MAK: variants seen among roughly 807,000 people sequenced by gnomAD.
MAK encodes male germ cell associated kinase, also known as serine/threonine-protein kinase MAK.
A neutral mutation model predicts 82.6 loss-of-function variants in MAK; 65 were observed. That is an observed-to-expected ratio of 0.79 (90% CI 0.64 to 0.97). The LOEUF (loss-of-function observed/expected upper bound fraction) is 0.97, where lower values mean the gene tolerates loss of function less well. MAK is among the 50% of genes least tolerant of loss of function. The pLI is 0.00. For synonymous variants in MAK, 250 were observed against 274.2 expected, an observed-to-expected ratio of 0.91 and a Z score of 0.87; for missense variants, 703 against 780.2, an observed-to-expected ratio of 0.90 and a Z score of 1.18.
At chr6:10,779,371 A>C in intron 11 of MAK, 3 of 985,344 alleles carry the variant, frequency 3.0e-6, no homozygotes, top group Non-Finnish European at 3.6e-6. Context: ...GTTACAGAAA[A>C]CAGAATCTTG....
intron 11 of MAK, chr6:10,779,227 A>AG (rs1773742864): frequency 1.8e-6 from 1 of 566,012 alleles, no homozygotes; most frequent in Non-Finnish European, 2.2e-6. Flanking sequence ...CGGCTCTAGG[A>AG]GCAGGGGGTG....
In MAK at chr6:10,829,330, T is replaced by C. The variant is rs530464783; in HGVS notation, c.101+1218A>G. 3 of 152,332 alleles carry C rather than the reference T, an allele frequency of 2.0e-5. No homozygotes were observed. In the East Asian group the frequency reaches 5.8e-4, roughly 29 times the overall value. 9.4% of individuals were successfully genotyped at this position (152,332 alleles called of 1,614,324 possible). On this transcript the variant is annotated intron_variant, in intron 2 of 14. Coordinates refer to ENST00000354489, the MANE Select transcript of MAK (RefSeq NM_001242957.3). Reference sequence around the variant, plus strand: ...TAACATATATCATTCAGAACTCAATTTGACATTATGAATACCATCTGATTT... The same window carrying C: ...TAACATATATCATTCAGAACTCAATCTGACATTATGAATACCATCTGATTT...
At chr6:10,769,758 C>T (rs1210757844) in intron 14 of MAK, among the ~76,000 whole-genome samples, 3 of 152,210 alleles carry the variant, frequency 2.0e-5, no homozygotes, top group Non-Finnish European at 4.4e-5. Context: ...GCTCCACTAG[C>T]TGTGTGACCT....
intron 11 of MAK, chr6:10,779,544 C>T (rs889202884): frequency 2.1e-5 from 20 of 938,382 alleles, no homozygotes; most frequent in South Asian, 9.9e-5. Flanking sequence ...TCCTAAAAGT[C>T]GATGCTTAAT....
At chr6:10,832,408 C>T (rs778150361) in intron 1 of MAK, among the ~76,000 whole-genome samples, 3 of 152,232 alleles carry the variant, frequency 2.0e-5, no homozygotes, top group Non-Finnish European at 4.4e-5. Flanking sequence ...ACAGAGAAAT[C>T]TTTTATGAAA....
At chr6:10,805,000 C>G (rs1581717028) in intron 6 of MAK, among the ~76,000 whole-genome samples, 1 of 146,776 alleles carries the variant, frequency 6.8e-6, no homozygotes, top group African/African-American at 2.5e-5. Flanking sequence ...CTCCCATATC[C>G]TAGATATGTG....
chr6:10,784,662 T>TCGCCCACCCTC (rs374889861), intron 10 of MAK, 90 bp from the exon 11 acceptor site: 1,157 of 1,179,552 alleles, frequency 9.8e-4, no homozygotes, highest in Admixed American at 1.2e-3. Context: ...TCTGCACATC[T>TCGCCCACCCTC]TCCTAAGCCA....
chr6:10,764,152 G>C lies in MAK; in HGVS notation c.*300C>G, dbSNP rs1034660925. On this transcript the variant is annotated 3_prime_UTR_variant, in exon 15 of 15. Coordinates refer to ENST00000354489, the MANE Select transcript of MAK (RefSeq NM_001242957.3). ...TTTCTGGAAGTTGTTTTTTTTTAAG[G>C]GTTCTTATTGGATTTACTATTTATT... 1.8e-5 allele frequency: 5 copies of C among 284,276 alleles called. No homozygotes were observed. The highest frequency in any genetic ancestry group is 8.9e-5 in the African/African-American group (4 of 44,876). The allele number at this position is 284,276 out of a possible 1,614,324, so 17.6% of individuals were successfully genotyped here. A position where few individuals can be genotyped will look rare whatever the true frequency, so the allele number is the denominator to read the frequency against.
chr6:10,792,668 C>G (rs889291170), intron 9 of MAK, among the ~76,000 whole-genome samples: 3 of 152,104 alleles, frequency 2.0e-5, no homozygotes, highest in African/African-American at 7.2e-5. Context: ...AAAGGCAACT[C>G]AAAACTAGGG....
Position 10,773,101 on chromosome 6 carries a change from G to A in MAK, c.1605C>T (p.Ser535=). The A allele has an allele frequency of 6.7e-7, 1 of 1,501,230 alleles. No individual in the cohort carries two copies. Among genetic ancestry groups the A allele is most frequent in the Non-Finnish European group, 8.9e-7 (1 of 1,117,688 alleles). The allele number at this position is 1,501,230 out of a possible 1,614,324, so 93.0% of individuals were successfully genotyped here. Residue 535 remains serine (S), a synonymous_variant, in exon 13 of 15, where the codon AGC becomes AGT. Transcript: ENST00000354489. Reference sequence around the variant, plus strand: ...ATAGTTTTTCGATTGGTTTAATTATGCTTTCTTCTAAAGAGAAGACAGATG... The same window carrying A: ...ATAGTTTTTCGATTGGTTTAATTATACTTTCTTCTAAAGAGAAGACAGATG... ...LAFKRSNAEE[S]IIKPIEKLSC...
chr6:10,807,412 G>A (rs186335215), intron 6 of MAK, among the ~76,000 whole-genome samples: 36 of 134,464 alleles, frequency 2.7e-4, no homozygotes, highest in Admixed American at 9.6e-4. Context: ...GCGCAATCTC[G>A]GCTCACTGCA....
intron 10 of MAK, among the ~76,000 whole-genome samples, chr6:10,788,472 C>T (rs1774786662): frequency 6.6e-6 from 1 of 152,124 alleles, no homozygotes; most frequent in Non-Finnish European, 1.5e-5. Context: ...TGGCTCATGC[C>T]TGTAATCCCA....
intron 2 of MAK, among the ~76,000 whole-genome samples, chr6:10,825,948 C>T (rs1230722877): frequency 6.6e-6 from 1 of 152,210 alleles, no homozygotes; most frequent in Non-Finnish European, 1.5e-5. Context: ...CCAGTCTTGA[C>T]CTCTTCAATC....
chr6:10,779,090 TGCACTCCA>T (rs1481590575), intron 11 of MAK, among the ~76,000 whole-genome samples: 1 of 128,532 alleles, frequency 7.8e-6, no homozygotes, highest in African/African-American at 3.1e-5. Flanking sequence ...GTGGTACCAC[TGCACTCCA>T]GCCTGGGCAA....
At chr6:10,826,077 C>T (rs1301123671) in intron 2 of MAK, among the ~76,000 whole-genome samples, 3 of 152,168 alleles carry the variant, frequency 2.0e-5, no homozygotes, top group Non-Finnish European at 4.4e-5. Context: ...TCTGGCTTCA[C>T]GACTTCACCT....
chr6:10,783,876 A>G (rs112217134), intron 11 of MAK, among the ~76,000 whole-genome samples: 5,209 of 152,204 alleles, frequency 0.034, 123 homozygotes, highest in African/African-American at 0.06. Flanking sequence ...AAAATTAGCC[A>G]GGCGTGGTGG....
chr6:10,783,358 A>G (rs1402965903), intron 11 of MAK, among the ~76,000 whole-genome samples: 2 of 152,164 alleles, frequency 1.3e-5, no homozygotes, highest in African/African-American at 4.8e-5. Flanking sequence ...CCAGGCGCCC[A>G]TTAGATGGAT....
chr6:10,792,709 A>G (rs918430382), intron 9 of MAK, among the ~76,000 whole-genome samples: 1 of 152,148 alleles, frequency 6.6e-6, no homozygotes, highest in Admixed American at 6.6e-5. Context: ...CAGAAAATAC[A>G]CCTATGTTGG....
chr6:10,834,816 G>GTCTCAC (rs1779048194), intron 1 of MAK, among the ~76,000 whole-genome samples: 1 of 152,092 alleles, frequency 6.6e-6, no homozygotes, highest in Admixed American at 6.5e-5. Flanking sequence ...TTGAGACAGA[G>GTCTCAC]TCTCACTCTG....
Sources: gnomAD v4.1 joint callset for allele counts (sites outside exome capture counted in the v4.1 genomes callset) on GRCh38, gnomAD v4.1.1 for gene constraint, MANE v1.5 for transcripts, NCBI Gene and HGNC (gene_info 2026-07-23, HGNC 2026-07-21) for gene names.